The following MAD1L1 variants were observed in gnomAD, a reference collection of about 807,000 sequenced individuals.
MAD1L1 encodes the protein mitotic arrest deficient 1 like 1, also known as mitotic spindle assembly checkpoint protein MAD1.
A neutral mutation model predicts 96.9 loss-of-function variants in MAD1L1; 95 were observed. The observed-to-expected ratio is 0.98, with a 90% CI of 0.83 to 1.16. The LOEUF is 1.16. Ranked by LOEUF, MAD1L1 falls within the 50% of genes most tolerant of loss-of-function variation. The pLI is 0.00. For synonymous variants in MAD1L1, 473 were observed against 396.6 expected (o/e 1.19, Z -2.29); for missense variants, 1,007 against 954.4 (o/e 1.06, Z -0.73).
intron 18 of MAD1L1, among the ~76,000 whole-genome samples, chr7:1,835,728 A>T (rs1782908881): frequency 1.3e-5 from 2 of 152,232 alleles, no homozygotes; most frequent in Non-Finnish European, 2.9e-5. Flanking sequence ...AAAGTAAAGA[A>T]ACAGAAGAAT....
chr7:1,941,030 G>T (rs576010217), intron 16 of MAD1L1, among the ~76,000 whole-genome samples: 104 of 23,496 alleles, frequency 4.4e-3, no homozygotes, highest in African/African-American at 0.024. Flanking sequence ...CTTCAACACC[G>T]CGGACCTCCT....
intron 10 of MAD1L1, among the ~76,000 whole-genome samples, chr7:2,183,723 AG>A (rs1263256347): frequency 6.7e-6 from 1 of 149,290 alleles, no homozygotes; most frequent in Non-Finnish European, 1.5e-5. Context: ...GGACACAGGA[AG>A]GGGAACATCA....
intron 11 of MAD1L1, among the ~76,000 whole-genome samples, chr7:2,097,314 G>A (rs573756760): frequency 4.5e-4 from 68 of 152,302 alleles, no homozygotes; most frequent in African/African-American, 1.5e-3. Context: ...GACCGCTAAG[G>A]CCTCCTCAGC....
At chr7:1,914,334 G>C (rs369542532) in intron 17 of MAD1L1, among the ~76,000 whole-genome samples, 42 of 152,228 alleles carry the variant, frequency 2.8e-4, no homozygotes, top group African/African-American at 9.6e-4. Flanking sequence ...GTGAGACCAC[G>C]GGCGTTCCTG....
At chr7:1,839,012 A>T in intron 18 of MAD1L1, 1 of 368,670 alleles carries the variant, frequency 2.7e-6, no homozygotes, top group South Asian at 2.1e-5. Context: ...ACTGCCTGCC[A>T]GTCCCAGCTC....
chr7:1,912,025 G>T (rs544088858), intron 17 of MAD1L1, among the ~76,000 whole-genome samples: 1 of 152,250 alleles, frequency 6.6e-6, no homozygotes, highest in Non-Finnish European at 1.5e-5. Context: ...ACTTGTCGGG[G>T]GTCTGGGGGC....
At chr7:2,157,845 A>T (rs535030594) in intron 10 of MAD1L1, among the ~76,000 whole-genome samples, 1 of 152,342 alleles carries the variant, frequency 6.6e-6, no homozygotes, top group African/African-American at 2.4e-5. Flanking sequence ...GGTTAAAGCT[A>T]CTCAGAGATG....
chr7:2,090,173 G>A (rs903510179), intron 11 of MAD1L1, among the ~76,000 whole-genome samples: 8 of 152,194 alleles, frequency 5.3e-5, no homozygotes, highest in African/African-American at 1.9e-4. Context: ...GGCTAGTGCC[G>A]AGCAGGCACC....
In MAD1L1 at chr7:1,980,205, C is replaced by T. The variant is rs73048002; in HGVS notation, c.1505+248G>A. Among the ~76,000 whole-genome samples the T allele has an allele frequency of 8.1e-3, 1,228 of 152,098 alleles. 6 individuals carry two copies. Among genetic ancestry groups the T allele is most frequent in the Admixed American group, 0.012 (191 of 15,294 alleles). On this transcript the variant is annotated intron_variant, in intron 15 of 18. Transcript: ENST00000265854. ...GTGCGCACCTCCCCGCTGGGGGACA[C>T]GCCTGAGCATGTCCACTTCCTTCCT...
chr7:1,853,296 C>T lies in MAD1L1; in HGVS notation c.1999-37068G>A, dbSNP rs370942787. On this transcript the variant is annotated intron_variant, in intron 18 of 18. Coordinates refer to ENST00000265854, the MANE Select transcript of MAD1L1 (RefSeq NM_001013836.2). Reference sequence around the variant, plus strand: ...GGACAGGCCTGGCGAGAAGGCCCCACGCGTGTGGAGCTGACACCTGCCTCC... The same window carrying T: ...GGACAGGCCTGGCGAGAAGGCCCCATGCGTGTGGAGCTGACACCTGCCTCC... Among the ~76,000 whole-genome samples the T allele has an allele frequency of 9.1e-4, 138 of 152,296 alleles. 1 individual carries two copies. Among genetic ancestry groups the T allele is most frequent in the African/African-American group, 3.1e-3 (127 of 41,570 alleles).
At chr7:1,912,465 G>A (rs932360208) in intron 17 of MAD1L1, among the ~76,000 whole-genome samples, 3 of 152,214 alleles carry the variant, frequency 2.0e-5, no homozygotes, top group African/African-American at 7.2e-5. Context: ...GAGACTGCAG[G>A]CCCTGCACGG....
At chr7:1,974,854 G>C (rs1194130839) in intron 15 of MAD1L1, among the ~76,000 whole-genome samples, 1 of 152,236 alleles carries the variant, frequency 6.6e-6, no homozygotes, top group African/African-American at 2.4e-5. Flanking sequence ...GGATGCTGGG[G>C]ACCAGGGGAC....
intron 18 of MAD1L1, among the ~76,000 whole-genome samples, chr7:1,890,094 TGTATCC>T (rs1277912269): frequency 6.6e-6 from 1 of 152,228 alleles, no homozygotes; most frequent in African/African-American, 2.4e-5. Flanking sequence ...GGGAGGGGCA[TGTATCC>T]GTGGGAGGGT....
intron 17 of MAD1L1, among the ~76,000 whole-genome samples, chr7:1,925,820 G>A (rs1201162809): frequency 6.6e-6 from 1 of 152,186 alleles, no homozygotes; most frequent in Non-Finnish European, 1.5e-5. Context: ...GAACGCTTAC[G>A]TTGGAAAGCA....
At chr7:2,226,028 C>G (rs532815859) in intron 3 of MAD1L1, among the ~76,000 whole-genome samples, 1 of 152,314 alleles carries the variant, frequency 6.6e-6, no homozygotes, top group African/African-American at 2.4e-5. Flanking sequence ...CCTTGCCACA[C>G]GGCCCTCTCC....
At chr7:2,165,914 G>A (rs1399186649) in intron 10 of MAD1L1, among the ~76,000 whole-genome samples, 1 of 152,172 alleles carries the variant, frequency 6.6e-6, no homozygotes, top group East Asian at 1.9e-4. Flanking sequence ...CCGGCCCCCA[G>A]GGTACACCTG....
rs1413457242 is a variant in MAD1L1 at position 2,142,029 on chromosome 7, A to T, written c.1073+7123T>A. Among the ~76,000 whole-genome samples the T allele has an allele frequency of 6.6e-6, 1 of 152,200 alleles. No homozygotes were observed. The highest frequency in any genetic ancestry group is 6.5e-5 in the Admixed American group (1 of 15,286). ...ATGGGCCTGCTCCCCTGTCACCTTG[A>T]GCAGCGCACTCTGGGGCACCTGACT... On this transcript the variant is annotated intron_variant, in intron 11 of 18. Coordinates refer to ENST00000265854, the MANE Select transcript of MAD1L1 (RefSeq NM_001013836.2). This position sits in a 1 kb window ranked among gnomAD's most constrained non-coding sequence, Gnocchi z 4.7.
intron 18 of MAD1L1, among the ~76,000 whole-genome samples, chr7:1,828,507 G>A (rs941861695): frequency 2.0e-5 from 3 of 152,234 alleles, no homozygotes; most frequent in African/African-American, 7.2e-5. Context: ...CAGCCTCGCG[G>A]GAAAGCCTGC....
intron 11 of MAD1L1, among the ~76,000 whole-genome samples, chr7:2,098,024 C>T (rs963729631): frequency 6.6e-6 from 1 of 152,210 alleles, no homozygotes; most frequent in African/African-American, 2.4e-5. Context: ...GAAGCTTCAC[C>T]TCCAGCGGGA....
Sources: gnomAD v4.1 joint callset for allele counts (sites outside exome capture counted in the v4.1 genomes callset) on GRCh38, gnomAD v4.1.1 for gene constraint, Gnocchi (gnomAD v3.1) non-coding constraint, MANE v1.5 for transcripts, NCBI Gene and HGNC (gene_info 2026-07-23, HGNC 2026-07-21) for gene names.